PRKN: variants seen among roughly 807,000 people sequenced by gnomAD.
PRKN encodes parkin RBR E3 ubiquitin protein ligase.
PRKN carries 56 observed loss-of-function variants against 59.5 expected under a neutral mutation model. The observed-to-expected ratio is 0.94, with a 90% CI of 0.76 to 1.18. PRKN has a LOEUF of 1.18. PRKN is among the 50% of genes most tolerant of loss of function. The pLI is 0.00. For synonymous variants in PRKN, 250 were observed against 222.1 expected (o/e 1.13, Z -1.12); for missense variants, 657 against 596.4 (o/e 1.10, Z -1.06).
chr6:162,491,787 T>C (rs200849169), intron 1 of PRKN, among the ~76,000 whole-genome samples: 1 of 152,136 alleles, frequency 6.6e-6, no homozygotes, highest in Non-Finnish European at 1.5e-5. Context: ...AGCCGCACAA[T>C]CAGGGACTTC....
Position 162,385,941 on chromosome 6 carries a change from T to C in PRKN, c.171+57369A>G, listed in dbSNP as rs77215087. On this transcript the variant is annotated intron_variant, in intron 2 of 11. Coordinates refer to ENST00000366898, the MANE Select transcript of PRKN (RefSeq NM_004562.3). Reference sequence around the variant, plus strand: ...TTCATCTATGTCAAAATAAGTAAAATAGGTCCTCTTGTCCTATTGAGAATG... The same window carrying C: ...TTCATCTATGTCAAAATAAGTAAAACAGGTCCTCTTGTCCTATTGAGAATG... Among the ~76,000 whole-genome samples, 379 of 152,008 alleles carry C rather than the reference T, an allele frequency of 2.5e-3. 4 individuals carry two copies. The East Asian group carries it at 0.038, about 15-fold the overall frequency.
chr6:161,638,412 G>A (rs1783610367), intron 7 of PRKN, among the ~76,000 whole-genome samples: 1 of 152,136 alleles, frequency 6.6e-6, no homozygotes, highest in African/African-American at 2.4e-5. Flanking sequence ...TAGGATTACA[G>A]GTGTGAGCCA....
chr6:162,527,779 C>A (rs1455623954), intron 1 of PRKN, among the ~76,000 whole-genome samples: 1 of 152,122 alleles, frequency 6.6e-6, no homozygotes, highest in Non-Finnish European at 1.5e-5. Context: ...TCAGCACTTT[C>A]TTCCCATCAG....
At position 161,353,523 on chromosome 6, in the gene PRKN, C is replaced by G. The variant is rs1042891426; in HGVS notation, c.1286-3312G>C. Among the ~76,000 whole-genome samples the G allele has an allele frequency of 6.6e-6, 1 of 152,212 alleles. No homozygotes were observed. Among genetic ancestry groups the G allele is most frequent in the African/African-American group, 2.4e-5 (1 of 41,460 alleles). ...CAGGGTTTGGGGAGCTTCCAGGTTGCTGAACACATGGAGGTTTCTGATGGG... is the reference window on the plus strand; with the variant it reads ...CAGGGTTTGGGGAGCTTCCAGGTTGGTGAACACATGGAGGTTTCTGATGGG... On this transcript the variant is annotated intron_variant, in intron 11 of 11. Coordinates refer to ENST00000366898, the MANE Select transcript of PRKN (RefSeq NM_004562.3). The surrounding 1 kb of genome is among the most constrained non-coding windows in gnomAD (Gnocchi z 4.8).
chr6:162,699,028 A>C (rs1438379940), intron 1 of PRKN, among the ~76,000 whole-genome samples: 1 of 152,184 alleles, frequency 6.6e-6, no homozygotes, highest in African/African-American at 2.4e-5. Flanking sequence ...AATATTGTTA[A>C]ATTACTGCCA....
chr6:162,364,585 A>G (rs1376173129), intron 2 of PRKN, among the ~76,000 whole-genome samples: 1 of 152,212 alleles, frequency 6.6e-6, no homozygotes, highest in Non-Finnish European at 1.5e-5. Context: ...TACTCTTTCA[A>G]ATGAAGAAAG....
chr6:162,356,067 G>A (rs927021842), intron 2 of PRKN, among the ~76,000 whole-genome samples: 3 of 151,980 alleles, frequency 2.0e-5, no homozygotes, highest in African/African-American at 4.8e-5. Context: ...AGGGCACTGT[G>A]GGCACTTTAC....
intron 6 of PRKN, among the ~76,000 whole-genome samples, chr6:161,826,969 C>T (rs998054401): frequency 4.6e-5 from 7 of 152,182 alleles, no homozygotes; most frequent in African/African-American, 1.2e-4. Context: ...CACAGCACCA[C>T]GTCCAAGTGT....
At chr6:161,486,692 C>T (rs1791663071) in intron 9 of PRKN, among the ~76,000 whole-genome samples, 2 of 152,142 alleles carry the variant, frequency 1.3e-5, no homozygotes, top group African/African-American at 4.8e-5. Context: ...TTACTATTTC[C>T]AGTTCTTTTG....
At chr6:162,532,363 T>A (rs1184074601) in intron 1 of PRKN, among the ~76,000 whole-genome samples, 1 of 152,212 alleles carries the variant, frequency 6.6e-6, no homozygotes, top group Non-Finnish European at 1.5e-5. Context: ...TGAGCACACA[T>A]CTCATAGTGC....
At chr6:162,544,672 A>ATTTTTTTTTTTTTTTTTTTTTTTTTTT in intron 1 of PRKN, among the ~76,000 whole-genome samples, 1 of 71,510 alleles carries the variant, frequency 1.4e-5, no homozygotes, top group Non-Finnish European at 2.5e-5. Flanking sequence ...TTTATTGTTG[A>ATTTTTTTTTTTTTTTTTTTTTTTTTTT]TTTTTTTTTT....
At chr6:162,568,967 C>T (rs556668714) in intron 1 of PRKN, 192 of 669,158 alleles carry the variant, frequency 2.9e-4, no homozygotes, top group Middle Eastern at 1.3e-3. Flanking sequence ...GGCTGGCTGA[C>T]GAGATCAATT....
intron 2 of PRKN, among the ~76,000 whole-genome samples, chr6:162,356,500 C>G (rs907136932): frequency 6.6e-6 from 1 of 151,786 alleles, no homozygotes; most frequent in Admixed American, 6.6e-5. Context: ...CCATAGTAGA[C>G]TACAATATTT....
intron 1 of PRKN, among the ~76,000 whole-genome samples, chr6:162,692,242 G>T (rs116513202): frequency 0.015 from 2,270 of 151,534 alleles, 63 homozygotes; most frequent in African/African-American, 0.053. Context: ...TGTGTATCAA[G>T]AGACTTGTGC....
intron 1 of PRKN, among the ~76,000 whole-genome samples, chr6:162,676,676 G>GT (rs1214700921): frequency 2.3e-4 from 35 of 152,150 alleles, no homozygotes; most frequent in Non-Finnish European, 1.5e-5. Context: ...TTCAACTAAG[G>GT]TAAAAAGTTA....
chr6:161,755,116 T>C (rs1031268741), intron 7 of PRKN, among the ~76,000 whole-genome samples: 3 of 152,238 alleles, frequency 2.0e-5, no homozygotes, highest in Non-Finnish European at 4.4e-5. Flanking sequence ...CCTTTGTTCA[T>C]TGATAACATT....
intron 6 of PRKN, among the ~76,000 whole-genome samples, chr6:161,826,784 T>G (rs966205003): frequency 6.6e-6 from 1 of 152,212 alleles, no homozygotes; most frequent in Non-Finnish European, 1.5e-5. Flanking sequence ...CAGAGAGGCA[T>G]GTAGGAACGG....
chr6:161,925,016 GA>G (rs951168796), intron 6 of PRKN, among the ~76,000 whole-genome samples: 7 of 152,118 alleles, frequency 4.6e-5, no homozygotes, highest in East Asian at 1.9e-4. Context: ...GACTTGCTGG[GA>G]AAAAAATATT....
In PRKN at chr6:161,554,925, G is replaced by T. The variant is rs1780177624; in HGVS notation, c.934-5922C>A. Among the ~76,000 whole-genome samples, 1 of 151,758 alleles carries T rather than the reference G, an allele frequency of 6.6e-6. No individual in the cohort carries two copies. Among genetic ancestry groups the T allele is most frequent in the African/African-American group, 2.4e-5 (1 of 41,312 alleles). ...CCAAGGAATTTTTTCCATTTCTTTAGAATCCAGGAATTTTGTTAGAGTATA... is the reference window on the plus strand; with the variant it reads ...CCAAGGAATTTTTTCCATTTCTTTATAATCCAGGAATTTTGTTAGAGTATA... On this transcript the variant is annotated intron_variant, in intron 8 of 11. Transcript: ENST00000366898. This position sits in a 1 kb window ranked among gnomAD's most constrained non-coding sequence, Gnocchi z 4.5.
Sources: gnomAD v4.1 joint callset for allele counts (sites outside exome capture counted in the v4.1 genomes callset) on GRCh38, gnomAD v4.1.1 for gene constraint, Gnocchi (gnomAD v3.1) non-coding constraint, MANE v1.5 for transcripts, NCBI Gene and HGNC (gene_info 2026-07-23, HGNC 2026-07-21) for gene names.